EYA2: variants seen among roughly 807,000 people sequenced by gnomAD.
The protein encoded by EYA2 is protein phosphatase EYA2.
A neutral mutation model predicts 69.2 loss-of-function variants in EYA2; 31 were observed. The observed-to-expected ratio is 0.45, with a 90% CI of 0.34 to 0.60. The LOEUF (loss-of-function observed/expected upper bound fraction) is 0.60. EYA2 is among the 20% of genes least tolerant of loss of function. EYA2 has a pLI of 0.02. For synonymous variants in EYA2, 257 were observed against 279.4 expected (o/e 0.92, Z 0.80); for missense variants, 622 against 701.2 (o/e 0.89, Z 1.28).
intron 5 of EYA2, among the ~76,000 whole-genome samples, chr20:47,069,202 A>G (rs1042957777): frequency 1.3e-5 from 2 of 152,094 alleles, no homozygotes; most frequent in African/African-American, 4.8e-5. Context: ...TGGTTTCAAA[A>G]CTCACCATAG....
At chr20:46,979,432 G>C (rs1980679663) in intron 1 of EYA2, 1 of 152,204 alleles carries the variant, frequency 6.6e-6, no homozygotes, top group African/African-American at 2.4e-5. Context: ...GAAGTAGCCA[G>C]GCTATCAGGG....
intron 1 of EYA2, among the ~76,000 whole-genome samples, chr20:46,923,727 A>G (rs1488970410): frequency 6.6e-6 from 1 of 152,024 alleles, no homozygotes; most frequent in Non-Finnish European, 1.5e-5. Flanking sequence ...GAGAGAGGGA[A>G]TTGGTAAGCA....
intron 12 of EYA2, among the ~76,000 whole-genome samples, chr20:47,175,946 T>C (rs1048426694): frequency 1.3e-5 from 2 of 152,146 alleles, no homozygotes; most frequent in African/African-American, 4.8e-5. Flanking sequence ...TTCTTCCACG[T>C]GTCCATCGTC....
rs368297287 is a variant in EYA2 at position 47,143,077 on chromosome 20, C to T, written c.907C>T (p.Arg303Cys). ...CTCGCAGGACACCACGACGTCCGTG[C>T]GCATTGGCCTTATGATGGAAGAGAT... is the stretch of plus-strand genomic sequence containing the variant. ...RYGKDTTTSVRIGLMMEEMIF... is the reference protein window; with the variant it reads ...RYGKDTTTSVCIGLMMEEMIF... The change falls in exon 10 of 16, where the codon CGC becomes TGC. Residue 303 changes from arginine (R) to cysteine (C), a missense_variant. This residue lies in a region of EYA2 where 257 missense variants were observed against 351.5 expected (regional missense o/e 0.73). Coordinates refer to ENST00000327619, the MANE Select transcript of EYA2 (RefSeq NM_005244.5). 12 of 1,613,660 alleles carry T rather than the reference C, an allele frequency of 7.4e-6. No individual in the cohort carries two copies. In the African/African-American group the frequency reaches 8.0e-5, roughly 11 times the overall value.
In EYA2 at chr20:47,065,037, G is replaced by A. The variant is rs143115939; in HGVS notation, c.416-7148G>A. Reference sequence around the variant, plus strand: ...AAAGTCACGTCTTACATGGTGGCAGGCAAGAGAACATGTGCAGGGGAACTC... The same window carrying A: ...AAAGTCACGTCTTACATGGTGGCAGACAAGAGAACATGTGCAGGGGAACTC... On this transcript the variant is annotated intron_variant, in intron 5 of 15. Transcript: ENST00000327619. Among the ~76,000 whole-genome samples the A allele has an allele frequency of 6.3e-3, 952 of 152,302 alleles. 2 individuals carry two copies. Among genetic ancestry groups the A allele is most frequent in the Non-Finnish European group, 8.5e-3 (581 of 68,036 alleles).
At chr20:47,148,220 G>C (rs148982610) in intron 10 of EYA2, among the ~76,000 whole-genome samples, 267 of 152,180 alleles carry the variant, frequency 1.8e-3, no homozygotes, top group Middle Eastern at 0.01. Flanking sequence ...CTCCTAACCT[G>C]GGCAAGTCTC....
intron 1 of EYA2, among the ~76,000 whole-genome samples, chr20:46,936,394 C>T (rs1329086263): frequency 6.6e-6 from 1 of 152,162 alleles, no homozygotes; most frequent in Non-Finnish European, 1.5e-5. Context: ...TCGCTTGAAC[C>T]CGGGAGGCAG....
chr20:47,078,624 C>T (rs2031612554), intron 7 of EYA2, among the ~76,000 whole-genome samples: 1 of 152,216 alleles, frequency 6.6e-6, no homozygotes, highest in African/African-American at 2.4e-5. Context: ...CAGATGATTA[C>T]AGGGCAATTT....
intron 1 of EYA2, chr20:46,979,567 T>C (rs1013705632): frequency 2.0e-5 from 3 of 152,340 alleles, no homozygotes; most frequent in Admixed American, 2.0e-4. Context: ...CCAGATTCCT[T>C]GAAGGCTGTC....
At position 47,023,827 on chromosome 20, in the gene EYA2, G is replaced by A. The variant is rs376436253; in HGVS notation, c.415+7530G>A. Among the ~76,000 whole-genome samples, 6 of 152,062 alleles carry A rather than the reference G, an allele frequency of 3.9e-5. 1 individual carries two copies. The highest frequency in any genetic ancestry group is 1.4e-4 in the African/African-American group (6 of 41,464). ...TAATTTTTGTATATTAAGTGGAGAT[G>A]GGGTTTTGCCATGTTGGCCAGGCTG... On this transcript the variant is annotated intron_variant, in intron 5 of 15. Coordinates refer to ENST00000327619, the MANE Select transcript of EYA2 (RefSeq NM_005244.5).
chr20:46,974,109 A>G (rs1980306171), intron 1 of EYA2, among the ~76,000 whole-genome samples: 1 of 152,198 alleles, frequency 6.6e-6, no homozygotes, highest in Admixed American at 6.5e-5. Context: ...AAATGGGATT[A>G]AAGTTCTATA....
intron 1 of EYA2, among the ~76,000 whole-genome samples, chr20:46,931,400 G>C (rs1340809304): frequency 6.6e-6 from 1 of 152,150 alleles, no homozygotes; most frequent in South Asian, 2.1e-4. Context: ...TTTTAAGTAC[G>C]CTGGCGACAT....
intron 9 of EYA2, among the ~76,000 whole-genome samples, chr20:47,113,793 T>G (rs1167769813): frequency 1.3e-5 from 2 of 151,608 alleles, no homozygotes; most frequent in Non-Finnish European, 2.9e-5. Flanking sequence ...CCATAATGTT[T>G]CTGCTTTTCA....
At chr20:46,915,861 G>A (rs1173739430) in intron 1 of EYA2, among the ~76,000 whole-genome samples, 1 of 152,038 alleles carries the variant, frequency 6.6e-6, no homozygotes. Context: ...AGTACCCCCG[G>A]ACCTGGGGGC....
chr20:47,165,687 A>G (rs2034168219), intron 10 of EYA2, among the ~76,000 whole-genome samples: 1 of 152,146 alleles, frequency 6.6e-6, no homozygotes, highest in South Asian at 2.1e-4. Context: ...ATGTGTGTCA[A>G]GGACTCTGGA....
chr20:47,187,998 G>T, intron 15 of EYA2, 55 bp from the exon 16 acceptor site: 1 of 1,538,442 alleles, frequency 6.5e-7, no homozygotes. Flanking sequence ...CACAGGCGTG[G>T]AACCCGGGGG....
chr20:47,011,485 T>C (rs946910968), intron 4 of EYA2, among the ~76,000 whole-genome samples: 1 of 152,152 alleles, frequency 6.6e-6, no homozygotes, highest in African/African-American at 2.4e-5. Context: ...CTTGATGATC[T>C]TTCTGACCTC....
chr20:47,143,222 C>A, intron 10 of EYA2, 74 bp downstream of exon 10: 1 of 1,225,738 alleles, frequency 8.2e-7, no homozygotes, highest in Non-Finnish European at 1.1e-6. Flanking sequence ...AAGAAGGATG[C>A]TGCCTTTCCT....
intron 15 of EYA2, among the ~76,000 whole-genome samples, chr20:47,186,355 T>C (rs1431787839): frequency 4.7e-5 from 5 of 106,438 alleles, no homozygotes; most frequent in African/African-American, 4.1e-4. Context: ...ATTCTTTTTT[T>C]TTTTTTTTTT....
Sources: gnomAD v4.1 joint callset for allele counts (sites outside exome capture counted in the v4.1 genomes callset) on GRCh38, gnomAD v4.1.1 for gene constraint, gnomAD v4.1.1 regional missense constraint, MANE v1.5 for transcripts, NCBI Gene and HGNC (gene_info 2026-07-23, HGNC 2026-07-21) for gene names.